The following STPG2 variants were observed in gnomAD, a reference collection of about 807,000 sequenced individuals.
STPG2 encodes sperm tail PG-rich repeat containing 2.
Under a neutral mutation model 54.2 loss-of-function variants are expected in STPG2, and 56 were observed. The ratio of observed to expected loss-of-function variants is 1.03; its 90% CI spans 0.83 to 1.29. STPG2 has a LOEUF of 1.29. Ranked by LOEUF, STPG2 falls within the 50% of genes most tolerant of loss-of-function variation. The pLI is 0.00. For synonymous variants in STPG2, 200 were observed against 181.8 expected (o/e 1.10, Z -0.81); for missense variants, 596 against 544.9 (o/e 1.09, Z -0.93).
chr4:97,978,365 T>C (rs150036547), intron 6 of STPG2, among the ~76,000 whole-genome samples: 43 of 152,238 alleles, frequency 2.8e-4, no homozygotes, highest in African/African-American at 9.9e-4. Context: ...TGCAGAAACA[T>C]GGATGGAGCT....
At chr4:97,952,980 T>G (rs562071250) in intron 7 of STPG2, among the ~76,000 whole-genome samples, 1 of 152,100 alleles carries the variant, frequency 6.6e-6, no homozygotes, top group Non-Finnish European at 1.5e-5. Flanking sequence ...AGTGGTGGGA[T>G]TTGTACTTGC....
chr4:97,858,096 G>T (rs895307404), intron 8 of STPG2, among the ~76,000 whole-genome samples: 1 of 152,088 alleles, frequency 6.6e-6, no homozygotes, highest in African/African-American at 2.4e-5. Context: ...CCATACAGAG[G>T]AGGTAGAGTA....
At chr4:97,659,232 G>A (rs1191933647) in intron 10 of STPG2, among the ~76,000 whole-genome samples, 1 of 152,074 alleles carries the variant, frequency 6.6e-6, no homozygotes, top group Non-Finnish European at 1.5e-5. Flanking sequence ...CTGTACCTCA[G>A]AAATATAAAT....
chr4:97,512,875 T>C (rs1731001842), intron 4 of STPG2, among the ~76,000 whole-genome samples: 1 of 152,026 alleles, frequency 6.6e-6, no homozygotes, highest in Non-Finnish European at 1.5e-5. Flanking sequence ...CCTCATACAA[T>C]TCTGCAGATG....
intron 7 of STPG2, among the ~76,000 whole-genome samples, chr4:97,945,766 T>C (rs1447945720): frequency 6.6e-6 from 1 of 152,160 alleles, no homozygotes; most frequent in Non-Finnish European, 1.5e-5. Flanking sequence ...TTTTTAACAC[T>C]GGCCATTCTT....
intron 8 of STPG2, among the ~76,000 whole-genome samples, chr4:97,854,288 T>A (rs1729259396): frequency 6.6e-6 from 1 of 152,072 alleles, no homozygotes; most frequent in Non-Finnish European, 1.5e-5. Flanking sequence ...TATAACCATA[T>A]AACCATGGTC....
chr4:97,911,238 C>G (rs1295484979), intron 8 of STPG2, among the ~76,000 whole-genome samples: 4 of 152,072 alleles, frequency 2.6e-5, no homozygotes, highest in Non-Finnish European at 5.9e-5. Flanking sequence ...CTGGCACACA[C>G]AGAAACACAG....
At chr4:97,469,122 G>A (rs146606091) in intron 4 of STPG2, among the ~76,000 whole-genome samples, 1 of 152,172 alleles carries the variant, frequency 6.6e-6, no homozygotes, top group African/African-American at 2.4e-5. Flanking sequence ...GAAGCATTTT[G>A]TTTTAAACTC....
At chr4:97,508,164 C>T (rs1366649535) in intron 4 of STPG2, among the ~76,000 whole-genome samples, 1 of 151,876 alleles carries the variant, frequency 6.6e-6, no homozygotes, top group Admixed American at 6.6e-5. Flanking sequence ...CTTTATTATG[C>T]CATAGTAACC....
intron 10 of STPG2, among the ~76,000 whole-genome samples, chr4:97,575,118 G>A (rs1732692076): frequency 6.6e-6 from 1 of 151,912 alleles, no homozygotes; most frequent in Non-Finnish European, 1.5e-5. Context: ...GACTGCTAAT[G>A]AGTTCCAAAA....
At chr4:97,580,267 G>T (rs929287654) in intron 10 of STPG2, among the ~76,000 whole-genome samples, 1 of 151,812 alleles carries the variant, frequency 6.6e-6, no homozygotes, top group African/African-American at 2.4e-5. Context: ...TACCTTATCA[G>T]AATCACCAGG....
At chr4:97,544,808 T>G (rs1451253596) in intron 4 of STPG2, among the ~76,000 whole-genome samples, 5 of 152,132 alleles carry the variant, frequency 3.3e-5, no homozygotes, top group African/African-American at 1.2e-4. Flanking sequence ...CAAGAATTAT[T>G]TATTTCCAGT....
chr4:97,679,464 G>A (rs1722958734), intron 10 of STPG2, among the ~76,000 whole-genome samples: 2 of 151,868 alleles, frequency 1.3e-5, no homozygotes, highest in South Asian at 4.2e-4. Context: ...CCCACTTTTT[G>A]ATGGGGTTGT....
At chr4:97,897,497 A>C (rs938137427) in intron 8 of STPG2, among the ~76,000 whole-genome samples, 1 of 151,926 alleles carries the variant, frequency 6.6e-6, no homozygotes, top group African/African-American at 2.4e-5. Flanking sequence ...CTTCCACAAT[A>C]GTTGAACTAA....
At chr4:97,721,627 T>C (rs1724451895) in intron 9 of STPG2, among the ~76,000 whole-genome samples, 1 of 152,144 alleles carries the variant, frequency 6.6e-6, no homozygotes. Flanking sequence ...TTTTTAACTA[T>C]ATGATGACCG....
rs923995640 is a variant in STPG2, at chr4:97,943,905, G to C, written c.1036C>G (p.Pro346Ala). 2 of 1,569,410 alleles carry C rather than the reference G, an allele frequency of 1.3e-6. No individual in the cohort carries two copies. The highest frequency in any genetic ancestry group is 1.7e-6 in the Non-Finnish European group (2 of 1,163,040). The change falls in exon 8 of 11, where the codon CCA becomes GCA. Residue 346 changes from proline (P) to alanine (A), a missense_variant. Coordinates refer to ENST00000295268, the MANE Select transcript of STPG2 (RefSeq NM_174952.3). Reference protein sequence around the residue: ...LSRAKRTMKVPDMVIPAPGSY... With the variant: ...LSRAKRTMKVADMVIPAPGSY... ...TGTAGGAGTATTCTTACCATATCTG[G>C]TACTTTCATAGTTCTTTTGGCTCTT...
intron 10 of STPG2, chr4:97,572,759 A>G (rs181907318): frequency 6.6e-6 from 1 of 152,254 alleles, no homozygotes; most frequent in East Asian, 1.9e-4. Context: ...ACTGAACACT[A>G]AAACAGAATC....
intron 2 of STPG2, among the ~76,000 whole-genome samples, chr4:98,133,284 T>C (rs1740049449): frequency 6.6e-6 from 1 of 152,026 alleles, no homozygotes; most frequent in Non-Finnish European, 1.5e-5. Context: ...TGCAATCATT[T>C]CAAAAAGATG....
chr4:97,785,925 G>T (rs1361418534), intron 9 of STPG2, among the ~76,000 whole-genome samples: 1 of 152,022 alleles, frequency 6.6e-6, no homozygotes, highest in Admixed American at 6.6e-5. Flanking sequence ...CAAGAAAGGA[G>T]CTACTCAACT....
Sources: allele counts gnomAD v4.1 joint callset (sites outside exome capture counted in the v4.1 genomes callset), GRCh38; gene constraint gnomAD v4.1.1; transcripts MANE v1.5; gene names NCBI Gene and HGNC (gene_info 2026-07-23, HGNC 2026-07-21).